The following SEMA3E variants were observed in gnomAD, a reference collection of about 807,000 sequenced individuals.
SEMA3E encodes the protein semaphorin 3E.
A neutral mutation model predicts 93.6 loss-of-function variants in SEMA3E; 49 were observed. The ratio of observed to expected loss-of-function variants is 0.52; its 90% CI spans 0.42 to 0.66. The LOEUF (loss-of-function observed/expected upper bound fraction) is 0.66, where lower values mean the gene tolerates loss of function less well. Among genes scored for constraint, SEMA3E ranks in the 30% least tolerant of loss-of-function variants. The pLI, the probability that SEMA3E is intolerant of heterozygous loss-of-function variation, is 0.00. For missense variants in SEMA3E, 906 were observed against 964.8 expected (o/e 0.94, Z 0.81); for synonymous variants, 363 against 330.7 (o/e 1.10, Z -1.06).
At chr7:83,461,612 T>C (rs1375596764) in intron 4 of SEMA3E, among the ~76,000 whole-genome samples, 1 of 152,188 alleles carries the variant, frequency 6.6e-6, no homozygotes, top group African/African-American at 2.4e-5. Flanking sequence ...GCCCAGTTCA[T>C]GGCTCGTTTG....
At chr7:83,464,940 C>T (rs572329710) in intron 4 of SEMA3E, among the ~76,000 whole-genome samples, 1 of 151,744 alleles carries the variant, frequency 6.6e-6, no homozygotes, top group African/African-American at 2.4e-5. Flanking sequence ...GCAGGAATGT[C>T]AGGCCTCTGA....
chr7:83,494,318 G>C (rs540219010), intron 1 of SEMA3E, among the ~76,000 whole-genome samples: 146 of 151,654 alleles, frequency 9.6e-4, no homozygotes, highest in African/African-American at 3.5e-3. Flanking sequence ...TTGCTTAGGA[G>C]CATTATCTAG....
chr7:83,488,796 A>C (rs955846641), intron 2 of SEMA3E, among the ~76,000 whole-genome samples: 1 of 152,108 alleles, frequency 6.6e-6, no homozygotes, highest in Admixed American at 6.6e-5. Flanking sequence ...GGATACCTTC[A>C]ATTAAAAACC....
At chr7:83,566,905 G>T (rs1792172845) in intron 1 of SEMA3E, among the ~76,000 whole-genome samples, 1 of 152,114 alleles carries the variant, frequency 6.6e-6, no homozygotes, top group African/African-American at 2.4e-5. Flanking sequence ...TTCATAAAAT[G>T]ACAAGAATAA....
intron 4 of SEMA3E, among the ~76,000 whole-genome samples, chr7:83,425,740 A>T (rs1449211291): frequency 1.3e-5 from 2 of 152,140 alleles, no homozygotes; most frequent in African/African-American, 2.4e-5. Context: ...GGACCTAAAC[A>T]AGTCGGACCT....
intron 4 of SEMA3E, among the ~76,000 whole-genome samples, chr7:83,459,999 C>T (rs1235501064): frequency 6.6e-6 from 1 of 152,146 alleles, no homozygotes; most frequent in Non-Finnish European, 1.5e-5. Context: ...AACGGCCCCA[C>T]CCTTATCTCC....
chr7:83,462,983 G>A (rs1202005343), intron 4 of SEMA3E, among the ~76,000 whole-genome samples: 1 of 113,670 alleles, frequency 8.8e-6, no homozygotes, highest in African/African-American at 2.7e-5. Flanking sequence ...GACTGACCCT[G>A]ACACCCATCA....
chr7:83,642,716 G>A (rs1164461431), intron 1 of SEMA3E, among the ~76,000 whole-genome samples: 1 of 152,030 alleles, frequency 6.6e-6, no homozygotes, highest in Non-Finnish European at 1.5e-5. Context: ...ATTACAAAGT[G>A]TCATATGTTA....
chr7:83,525,093 C>A (rs528076972), intron 1 of SEMA3E, among the ~76,000 whole-genome samples: 2 of 151,966 alleles, frequency 1.3e-5, no homozygotes, highest in African/African-American at 4.8e-5. Flanking sequence ...ATGTCTGAAC[C>A]GTGTTTATTC....
intron 1 of SEMA3E, among the ~76,000 whole-genome samples, chr7:83,629,069 G>GCTGGAGTTCA (rs532910393): frequency 1.4e-4 from 21 of 152,174 alleles, no homozygotes; most frequent in Admixed American, 4.6e-4. Flanking sequence ...GCTGGAGTTT[G>GCTGGAGTTCA]CTGGAGTTCA....
At chr7:83,494,269 G>A (rs1790444060) in intron 1 of SEMA3E, among the ~76,000 whole-genome samples, 1 of 151,078 alleles carries the variant, frequency 6.6e-6, no homozygotes, top group African/African-American at 2.4e-5. Flanking sequence ...CCAAAGTAGA[G>A]GAAGTCATTG....
At chr7:83,375,113 T>C (rs182074128) in intron 16 of SEMA3E, among the ~76,000 whole-genome samples, 2 of 152,094 alleles carry the variant, frequency 1.3e-5, no homozygotes, top group East Asian at 3.9e-4. Context: ...GAAATTAAGT[T>C]TAAAAAGAAT....
chr7:83,370,376 T>C (rs79929051), intron 16 of SEMA3E, among the ~76,000 whole-genome samples: 13,163 of 152,258 alleles, frequency 0.086, 698 homozygotes, highest in Non-Finnish European at 0.12. Context: ...TCCTCAATTG[T>C]TGATCGTTTA....
intron 4 of SEMA3E, among the ~76,000 whole-genome samples, chr7:83,449,480 A>G (rs369807393): frequency 5.9e-5 from 9 of 152,076 alleles, no homozygotes; most frequent in African/African-American, 7.2e-5. Context: ...TCATATACAT[A>G]TATAAATTTA....
intron 5 of SEMA3E, among the ~76,000 whole-genome samples, chr7:83,417,632 T>C (rs1788580159): frequency 6.6e-6 from 1 of 152,072 alleles, no homozygotes; most frequent in East Asian, 1.9e-4. Flanking sequence ...TATGTCAGTG[T>C]TGGGGATTGC....
chr7:83,435,755 T>C (rs1254870042), intron 4 of SEMA3E, among the ~76,000 whole-genome samples: 1 of 152,198 alleles, frequency 6.6e-6, no homozygotes, highest in African/African-American at 2.4e-5. Context: ...TCGTCTATAG[T>C]TAGTTAGCAA....
rs1794638711 is a variant in SEMA3E at position 83,364,589 on chromosome 7, A to G, written c.*2997T>C. On this transcript the variant is annotated 3_prime_UTR_variant, in exon 17 of 17. Coordinates refer to ENST00000643230, the MANE Select transcript of SEMA3E (RefSeq NM_012431.3). ...AATTATAGACGTGGAATCACGAAGT[A>G]AAATCTTTTTTGTTAACAAATCTGG... The G allele has an allele frequency of 1.3e-5, 2 of 152,256 alleles. No homozygotes were observed. The highest frequency in any genetic ancestry group is 6.5e-5 in the Admixed American group (1 of 15,284). 9.4% of individuals were successfully genotyped at this position (152,256 alleles called of 1,614,324 possible). A position where few individuals can be genotyped will look rare whatever the true frequency, so the allele number is the denominator to read the frequency against.
In SEMA3E at chr7:83,621,530, T is replaced by C. The variant is rs577672526; in HGVS notation, c.115+26898A>G. Among the ~76,000 whole-genome samples the C allele has an allele frequency of 2.6e-5, 4 of 152,054 alleles. No homozygotes were observed. The East Asian group carries it at 5.8e-4, about 22-fold the overall frequency. On this transcript the variant is annotated intron_variant, in intron 1 of 16. Transcript: ENST00000643230. ...TCATATGGAACTAAAAAAGAGCCCA[T>C]AAAACCAAGACAATCCTAAGTGAAA...
intron 1 of SEMA3E, among the ~76,000 whole-genome samples, chr7:83,548,154 C>G (rs1218912654): frequency 6.6e-6 from 1 of 152,088 alleles, no homozygotes; most frequent in Non-Finnish European, 1.5e-5. Context: ...TTTCCTTTCT[C>G]CATTTTCACA....
Sources: gnomAD v4.1 joint callset for allele counts (sites outside exome capture counted in the v4.1 genomes callset) on GRCh38, gnomAD v4.1.1 for gene constraint, MANE v1.5 for transcripts, NCBI Gene and HGNC (gene_info 2026-07-23, HGNC 2026-07-21) for gene names.